Variants in GLYR1 observed in about 807,000 individuals in gnomAD.
The protein encoded by GLYR1 is glyoxylate reductase 1 homolog, also known as cytokine-like nuclear factor N-PAC.
Under a neutral mutation model 72.7 loss-of-function variants are expected in GLYR1, and 21 were observed. The ratio of observed to expected loss-of-function variants is 0.29; its 90% CI spans 0.20 to 0.42. GLYR1 has a LOEUF of 0.42. Among genes scored for constraint, GLYR1 ranks in the 10% least tolerant of loss-of-function variants. The probability of loss-of-function intolerance (pLI) is 1.00; values close to 1 mark genes in which losing one functional copy is unlikely to be tolerated. For synonymous variants in GLYR1, 392 were observed against 270.2 expected (o/e 1.45, Z -4.42); for missense variants, 594 against 712.1 (o/e 0.83, Z 1.89).
At chr16:4,835,718 C>T (rs1223180408) in intron 3 of GLYR1, among the ~76,000 whole-genome samples, 1 of 152,156 alleles carries the variant, frequency 6.6e-6, no homozygotes, top group Non-Finnish European at 1.5e-5. Context: ...GTAATCCCAG[C>T]TACTCGGAAG....
chr16:4,806,783 A>C (rs2083004112), intron 15 of GLYR1, among the ~76,000 whole-genome samples: 1 of 151,980 alleles, frequency 6.6e-6, no homozygotes, highest in South Asian at 2.1e-4. Flanking sequence ...AAAATAGATA[A>C]ATGAAACTGG....
At chr16:4,821,621 C>T (rs1366518588) in intron 7 of GLYR1, 24 bp from the exon 8 acceptor site, 2 of 1,606,582 alleles carry the variant, frequency 1.2e-6, no homozygotes, top group African/African-American at 1.3e-5. Flanking sequence ...AGGAAAGAGA[C>T]TACTTGTGCT....
intron 10 of GLYR1, among the ~76,000 whole-genome samples, chr16:4,815,342 C>G (rs548610529): frequency 6.6e-6 from 1 of 151,926 alleles, no homozygotes; most frequent in Non-Finnish European, 1.5e-5. Flanking sequence ...TTCTATCAGA[C>G]TTTTAATGTT....
At chr16:4,828,037 T>A (rs1222181348) in intron 5 of GLYR1, among the ~76,000 whole-genome samples, 1 of 152,014 alleles carries the variant, frequency 6.6e-6, no homozygotes, top group Admixed American at 6.6e-5. Flanking sequence ...TTTTTTTTTT[T>A]AAGCAATGAA....
chr16:4,841,003 C>T (rs569134229), intron 3 of GLYR1, among the ~76,000 whole-genome samples: 23 of 152,170 alleles, frequency 1.5e-4, no homozygotes, highest in Non-Finnish European at 2.4e-4. Context: ...AAAGATAACA[C>T]ATTAGTACCA....
chr16:4,836,757 A>T (rs2085159518), intron 3 of GLYR1, among the ~76,000 whole-genome samples: 1 of 152,124 alleles, frequency 6.6e-6, no homozygotes, highest in South Asian at 2.1e-4. Context: ...GGATGAATGC[A>T]ACTGTTTCAA....
chr16:4,813,889 C>G, intron 11 of GLYR1, 51 bp from the exon 12 acceptor site: 1 of 1,440,802 alleles, frequency 6.9e-7, no homozygotes, highest in Non-Finnish European at 9.5e-7. Context: ...GGCAGATGCT[C>G]AGGAGCCCTA....
chr16:4,808,163 G>C (rs1035395617), intron 15 of GLYR1, among the ~76,000 whole-genome samples: 4 of 149,626 alleles, frequency 2.7e-5, no homozygotes, highest in Non-Finnish European at 5.9e-5. Flanking sequence ...TTTAACCCAA[G>C]AGGTGGGGGC....
chr16:4,813,767 C>T lies in GLYR1; in HGVS notation c.1089G>A (p.Val363=). Residue 363 remains valine (V), a synonymous_variant, in exon 12 of 16, where the codon GTG becomes GTA. Coordinates refer to ENST00000321919, the MANE Select transcript of GLYR1 (RefSeq NM_032569.4). ...CCAGCTCAGTGACGGTGTCAGCGTC[C>T]ACTGTTGACATGTCCACGTAGCACT... ...PGKCYVDMST[V]DADTVTELAQ... 6.2e-7 allele frequency: 1 copy of T among 1,611,620 alleles called. No homozygotes were observed.
chr16:4,840,788 T>C (rs1022432235), intron 3 of GLYR1, among the ~76,000 whole-genome samples: 2 of 152,204 alleles, frequency 1.3e-5, no homozygotes, highest in African/African-American at 2.4e-5. Flanking sequence ...GGTACCTGAA[T>C]GCACATTAGG....
rs923129102 is a variant in GLYR1 at position 4,804,898 on chromosome 16, C to G, written c.*338G>C. Reference sequence around the variant, plus strand: ...GCTCGGAAGAAAAAAAGCCAGGCAGCAGTTTCTGGGCAGCTTCTATCCTGG... The same window carrying G: ...GCTCGGAAGAAAAAAAGCCAGGCAGGAGTTTCTGGGCAGCTTCTATCCTGG... On this transcript the variant is annotated 3_prime_UTR_variant, in exon 16 of 16. Transcript: ENST00000321919. 5 of 314,874 alleles carry G rather than the reference C, an allele frequency of 1.6e-5. No individual in the cohort carries two copies. The highest frequency in any genetic ancestry group is 3.0e-5 in the Non-Finnish European group (5 of 166,068). 19.5% of individuals were successfully genotyped at this position (314,874 alleles called of 1,614,324 possible). A position where few individuals can be genotyped will look rare whatever the true frequency, so the allele number is the denominator to read the frequency against.
rs778256795 is a variant in GLYR1 at position 4,834,295 on chromosome 16, CTTTTTTTTTTTT to C, written c.156-1395_156-1384del. Among the ~76,000 whole-genome samples the C allele has an allele frequency of 7.3e-3, 867 of 118,368 alleles. 10 individuals carry two copies. Among genetic ancestry groups the C allele is most frequent in the African/African-American group, 0.028 (798 of 28,260 alleles). 77.7% of individuals were successfully genotyped at this position (118,368 alleles called of 152,430 possible). The stretch of plus-strand genomic sequence containing the variant: ...CCAACTAGAGGAGTTAGGCAAATTC[CTTTTTTTTTTTT>C]TTTTTTTTTTGAGACGGAGTTTCAC... On this transcript the variant is annotated intron_variant, in intron 3 of 15. Coordinates refer to ENST00000321919, the MANE Select transcript of GLYR1 (RefSeq NM_032569.4).
intron 1 of GLYR1, chr16:4,846,940 G>A: frequency 2.2e-6 from 1 of 464,328 alleles, no homozygotes; most frequent in South Asian, 2.8e-5. Flanking sequence ...TCGCGGCACC[G>A]GCGGCTCCCT....
chr16:4,837,335 C>T (rs2085205462), intron 3 of GLYR1, among the ~76,000 whole-genome samples: 1 of 151,468 alleles, frequency 6.6e-6, no homozygotes, highest in Non-Finnish European at 1.5e-5. Flanking sequence ...TAGGAGGCTG[C>T]GGCAGGAACT....
intron 6 of GLYR1, 21 bp downstream of exon 6, chr16:4,823,800 G>C: frequency 2.5e-6 from 4 of 1,601,006 alleles, no homozygotes; most frequent in Non-Finnish European, 3.4e-6. Flanking sequence ...AGCTTGTCCT[G>C]CCTGCAGGAG....
rs1348151544 is a variant in GLYR1, at chr16:4,843,320, A to T, written c.155+1754T>A. The T allele has an allele frequency of 1.2e-5, 4 of 328,956 alleles. No homozygotes were observed. In the East Asian group the frequency reaches 4.6e-4, roughly 38 times the overall value. 20.4% of individuals were successfully genotyped at this position (328,956 alleles called of 1,614,324 possible). ...CAGGTAGACGCCAACACTCCTGGCT[A>T]ATTTTTGTATTTTTTGTAGAGACGG... On this transcript the variant is annotated intron_variant, in intron 3 of 15. Coordinates refer to ENST00000321919, the MANE Select transcript of GLYR1 (RefSeq NM_032569.4).
intron 3 of GLYR1, among the ~76,000 whole-genome samples, chr16:4,843,105 G>A (rs895820326): frequency 6.6e-6 from 1 of 152,202 alleles, no homozygotes; most frequent in Non-Finnish European, 1.5e-5. Context: ...TTCCCTCAGT[G>A]TCAAGCAATT....
chr16:4,815,907 G>A (rs1323362386), intron 10 of GLYR1, among the ~76,000 whole-genome samples: 4 of 150,690 alleles, frequency 2.7e-5, no homozygotes, highest in Non-Finnish European at 5.9e-5. Context: ...TCAGCCTCCC[G>A]AGTAGCTGGG....
chr16:4,808,424 G>A (rs1184983333), intron 15 of GLYR1, among the ~76,000 whole-genome samples: 1 of 151,456 alleles, frequency 6.6e-6, no homozygotes, highest in Non-Finnish European at 1.5e-5. Context: ...TGGTGAAACC[G>A]TATCTCTACT....
Sources: gnomAD v4.1 joint callset for allele counts (sites outside exome capture counted in the v4.1 genomes callset) on GRCh38, gnomAD v4.1.1 for gene constraint, MANE v1.5 for transcripts, NCBI Gene and HGNC (gene_info 2026-07-23, HGNC 2026-07-21) for gene names.